VWA5B1: variants seen among roughly 807,000 people sequenced by gnomAD.
VWA5B1 encodes the protein von Willebrand factor A domain containing 5B1.
VWA5B1 carries 115 observed loss-of-function variants against 118.2 expected under a neutral mutation model. That is an observed-to-expected ratio of 0.97 (90% CI 0.84 to 1.14). The LOEUF is 1.14. Among genes scored for constraint, VWA5B1 ranks in the 50% most tolerant of loss-of-function variants. The pLI, the probability that VWA5B1 is intolerant of heterozygous loss-of-function variation, is 0.00. For synonymous variants in VWA5B1, 682 were observed against 658.4 expected, an observed-to-expected ratio of 1.04 and a Z score of -0.55; for missense variants, 1,596 against 1,603.8, an observed-to-expected ratio of 1.00 and a Z score of 0.08.
chr1:20,331,468 T>C (rs1051315630), intron 11 of VWA5B1, among the ~76,000 whole-genome samples: 1 of 152,118 alleles, frequency 6.6e-6, no homozygotes, highest in African/African-American at 2.4e-5. Flanking sequence ...AGAGTGAAGA[T>C]GTTTATTGGG....
In VWA5B1 at chr1:20,345,556, C is replaced by G. The variant is rs1322738084; in HGVS notation, c.2727C>G (p.Ser909Arg). The change falls in exon 17 of 22, where the codon AGC becomes AGG. Residue 909 changes from serine (S) to arginine (R), a missense_variant. By Grantham distance (110) the Ser-to-Arg change is moderately radical. Transcript: ENST00000289815. ...TCGTGCCTGTGGACGTGAGCAAGAG[C>G]CGGTACCTGCCCACCGTGGTGGAGT... is the stretch of plus-strand genomic sequence containing the variant. ...TAFVPVDVSKSRYLPTVVEYP... is the reference protein window; with the variant it reads ...TAFVPVDVSKRRYLPTVVEYP... 2.6e-6 allele frequency: 4 copies of G among 1,550,864 alleles called. No individual in the cohort carries two copies. Among genetic ancestry groups the G allele is most frequent in the Non-Finnish European group, 3.5e-6 (4 of 1,146,866 alleles).
chr1:20,314,628 G>A (rs530863729), intron 4 of VWA5B1, 36 bp downstream of exon 4: 1 of 1,543,306 alleles, frequency 6.5e-7, no homozygotes, highest in South Asian at 1.2e-5. Flanking sequence ...CAGAGTCCCA[G>A]GTGGGCAGCA....
intron 1 of VWA5B1, among the ~76,000 whole-genome samples, chr1:20,291,942 A>C (rs1391174706): frequency 6.6e-6 from 1 of 152,118 alleles, no homozygotes; most frequent in East Asian, 1.9e-4. Context: ...CGCCGCCGGC[A>C]CCACAGCAGC....
chr1:20,314,181 A>G, intron 3 of VWA5B1, 141 bp from the exon 4 acceptor site: 1 of 841,452 alleles, frequency 1.2e-6, no homozygotes, highest in South Asian at 1.7e-5. Context: ...TCAATGGCTT[A>G]CTTATTCACA....
rs535713265 is a variant in VWA5B1 at position 20,314,370 on chromosome 1, C to T, written c.341C>T (p.Pro114Leu). Residue 114 changes from proline to leucine, a missense_variant, in exon 4 of 22, where the codon CCG becomes CTG. By Grantham distance (98) the Pro-to-Leu change is moderately conservative. Coordinates refer to ENST00000289815, the MANE Select transcript of VWA5B1 (RefSeq NM_001039500.3). The part of the protein sequence containing the change: ...GVSIAPHSCT[P>L]GKVTLDEDLE... ...TCCATAGCCCCTCATTCCTGCACACCGGGAAAGGTGACCTTGGACGAGGAT... is the reference window on the plus strand; with the variant it reads ...TCCATAGCCCCTCATTCCTGCACACTGGGAAAGGTGACCTTGGACGAGGAT... The T allele has an allele frequency of 1.7e-5, 27 of 1,551,980 alleles. No individual in the cohort carries two copies. The highest frequency in any genetic ancestry group is 2.4e-5 in the East Asian group (1 of 40,918).
At position 20,314,342 on chromosome 1, in the gene VWA5B1, G is replaced by T. The variant is rs962281450; in HGVS notation, c.313G>T (p.Val105Phe). Residue 105 changes from valine to phenylalanine, a missense_variant, in exon 4 of 22, where the codon GTT (valine) becomes TTT (phenylalanine). Physicochemically the swap from Val to Phe is conservative, Grantham distance 50. Transcript: ENST00000289815. ...CTTAGGGAACATTCTGCAAGACGGG[G>T]TTTCCATAGCCCCTCATTCCTGCAC... ...TVTGNILQDG[V>F]SIAPHSCTPG... The T allele has an allele frequency of 6.4e-6, 10 of 1,551,784 alleles. No individual in the cohort carries two copies. The highest frequency in any genetic ancestry group is 5.5e-5 in the African/African-American group (4 of 73,046).
At chr1:20,291,359 TTCTCTCTCTCTCTCTC>T (rs67596546) in intron 1 of VWA5B1, among the ~76,000 whole-genome samples, 1 of 103,342 alleles carries the variant, frequency 9.7e-6, no homozygotes, top group Non-Finnish European at 2.0e-5. Context: ...CTTTCTTTCT[TTCTCTCTCTCTCTCTC>T]TCTCTCTCTC....
At chr1:20,331,071 G>C in intron 11 of VWA5B1, 88 bp downstream of exon 11, 2 of 1,122,078 alleles carry the variant, frequency 1.8e-6, no homozygotes, top group South Asian at 3.2e-5. Context: ...GTGGAGCTGG[G>C]ATGACACCCC....
intron 13 of VWA5B1, among the ~76,000 whole-genome samples, chr1:20,336,795 G>T (rs572380515): frequency 2.0e-5 from 3 of 152,298 alleles, no homozygotes; most frequent in Non-Finnish European, 4.4e-5. Context: ...AACATGGGAA[G>T]CAAAGATGAC....
At chr1:20,316,441 C>T (rs899272088) in intron 4 of VWA5B1, among the ~76,000 whole-genome samples, 1 of 152,130 alleles carries the variant, frequency 6.6e-6, no homozygotes, top group South Asian at 2.1e-4. Flanking sequence ...TAAGACGTAA[C>T]ACGGTGCCAA....
intron 18 of VWA5B1, 115 bp downstream of exon 18, chr1:20,348,473 T>C: frequency 8.7e-7 from 1 of 1,148,050 alleles, no homozygotes. Flanking sequence ...GTCTGCACTG[T>C]GGGCTTAGGC....
At chr1:20,291,367 C>CTCTCTCTCTCTCTCTCTT (rs2088299899) in intron 1 of VWA5B1, among the ~76,000 whole-genome samples, 1 of 137,956 alleles carries the variant, frequency 7.2e-6, no homozygotes, top group African/African-American at 3.2e-5. Context: ...CTTTCTCTCT[C>CTCTCTCTCTCTCTCTCTT]TCTCTCTCTC....
chr1:20,324,062 A>G (rs968539069), intron 8 of VWA5B1, among the ~76,000 whole-genome samples: 6 of 152,260 alleles, frequency 3.9e-5, no homozygotes, highest in Non-Finnish European at 8.8e-5. Flanking sequence ...ACCACCTGAC[A>G]TCAGAGCTTC....
chr1:20,298,161 A>G (rs1027785658), intron 1 of VWA5B1, among the ~76,000 whole-genome samples: 2 of 151,862 alleles, frequency 1.3e-5, no homozygotes, highest in Non-Finnish European at 2.9e-5. Flanking sequence ...CAGGTGTGCC[A>G]CCACACCTAG....
At position 20,314,501 on chromosome 1, in the gene VWA5B1, G is replaced by T. The variant is rs1403924064; in HGVS notation, c.472G>T (p.Ala158Ser). 16 of 1,551,764 alleles carry T rather than the reference G, an allele frequency of 1.0e-5. No individual in the cohort carries two copies. Among genetic ancestry groups the T allele is most frequent in the Non-Finnish European group, 1.4e-5 (16 of 1,147,004 alleles). Residue 158 changes from alanine (A) to serine (S), a missense_variant, in exon 4 of 22, where the codon GCT becomes TCT. Transcript: ENST00000289815. ...SSELPTLPSG[A>S]VRVLLPAVCA... ...GGAGCTCCCAACGCTGCCCAGCGGG[G>T]CTGTGAGGGTCCTTCTGCCTGCTGT...
intron 15 of VWA5B1, 81 bp downstream of exon 15, chr1:20,342,690 AGAGGG>A (rs2089908336): frequency 2.3e-5 from 33 of 1,423,868 alleles, no homozygotes; most frequent in Non-Finnish European, 3.1e-5. Context: ...TGACAGGCCC[AGAGGG>A]CAGATGCCTG....
intron 1 of VWA5B1, among the ~76,000 whole-genome samples, chr1:20,298,810 T>G (rs1022670884): frequency 3.3e-5 from 5 of 152,162 alleles, no homozygotes; most frequent in Admixed American, 2.0e-4. Flanking sequence ...TGGTTCAGTC[T>G]GTGTTGCTGA....
At chr1:20,349,669 A>T (rs1489986451) in intron 18 of VWA5B1, among the ~76,000 whole-genome samples, 1 of 149,024 alleles carries the variant, frequency 6.7e-6, no homozygotes, top group Non-Finnish European at 1.5e-5. Context: ...GGCATAAGCC[A>T]CCATGCCTGG....
At position 20,317,596 on chromosome 1, in the gene VWA5B1, C is replaced by A. The variant is rs893675907; in HGVS notation, c.630C>A (p.Leu210=). 6.4e-7 allele frequency: 1 copy of A among 1,551,942 alleles called. No individual in the cohort carries two copies. The highest frequency in any genetic ancestry group is 8.7e-7 in the Non-Finnish European group (1 of 1,147,056). ...GGAATAAGTTGTGCCTGGCGACTCT[C>A]CTGAACACCGAAGTGTCCAACCCCA... The part of the protein sequence containing the change: ...GSWNKLCLAT[L]LNTEVSNPME... Residue 210 remains leucine, a synonymous_variant, in exon 5 of 22, where the codon CTC becomes CTA. Coordinates refer to ENST00000289815, the MANE Select transcript of VWA5B1 (RefSeq NM_001039500.3).
Sources: allele counts gnomAD v4.1 joint callset (sites outside exome capture counted in the v4.1 genomes callset), GRCh38; gene constraint gnomAD v4.1.1; transcripts MANE v1.5; gene names NCBI Gene and HGNC (gene_info 2026-07-23, HGNC 2026-07-21).